The following SLC35E2B variants were observed in gnomAD, a reference collection of about 807,000 sequenced individuals.
SLC35E2B encodes the protein solute carrier family 35 member E2B, also known as solute carrier family 35, member E2B.
A neutral mutation model predicts 32.4 loss-of-function variants in SLC35E2B; 18 were observed. The ratio of observed to expected loss-of-function variants is 0.56; its 90% CI spans 0.38 to 0.82. The LOEUF (loss-of-function observed/expected upper bound fraction) is 0.82, where lower values mean the gene tolerates loss of function less well. Ranked by LOEUF, SLC35E2B falls within the 40% of genes least tolerant of loss-of-function variation. The pLI is 0.00. For synonymous variants in SLC35E2B, 132 were observed against 209.1 expected, an observed-to-expected ratio of 0.63 and a Z score of 3.18; for missense variants, 263 against 469.5, an observed-to-expected ratio of 0.56 and a Z score of 4.06.
At chr1:1,689,696 C>T (rs1475182317) in intron 2 of SLC35E2B, among the ~76,000 whole-genome samples, 5 of 150,678 alleles carry the variant, frequency 3.3e-5, no homozygotes, top group South Asian at 2.1e-4. Flanking sequence ...CAAAGTACAC[C>T]ACAAAGTGGG....
intron 2 of SLC35E2B, among the ~76,000 whole-genome samples, chr1:1,684,620 T>A (rs1643929227): frequency 6.6e-6 from 1 of 151,720 alleles, no homozygotes; most frequent in Non-Finnish European, 1.5e-5. Flanking sequence ...TGAAACCCCG[T>A]CTCCACTAAA....
intron 2 of SLC35E2B, among the ~76,000 whole-genome samples, chr1:1,682,454 G>C (rs1363595321): frequency 6.6e-6 from 1 of 152,156 alleles, no homozygotes; most frequent in African/African-American, 2.4e-5. Flanking sequence ...GAGGGGCTCA[G>C]TCCCAGTGTC....
Position 1,662,839 on chromosome 1 carries a change from T to C in SLC35E2B, c.*2943A>G, listed in dbSNP as rs1011880445. ...AGACCACGACCATGGACACACCCAG[T>C]GGAAGTAACCACACCTGGTGTGTTC... On this transcript the variant is annotated 3_prime_UTR_variant, in exon 10 of 10. Coordinates refer to ENST00000617444, the MANE Select transcript of SLC35E2B (RefSeq NM_001290264.2). 126 of 821,152 alleles carry C rather than the reference T, an allele frequency of 1.5e-4. 24 individuals carry two copies. Among genetic ancestry groups the C allele is most frequent in the Non-Finnish European group, 1.8e-4 (119 of 677,522 alleles). 50.9% of individuals were successfully genotyped at this position (821,152 alleles called of 1,614,324 possible). A position where few individuals can be genotyped will look rare whatever the true frequency, so the allele number is the denominator to read the frequency against.
chr1:1,685,628 G>T (rs1049770352), intron 2 of SLC35E2B, among the ~76,000 whole-genome samples: 2 of 151,912 alleles, frequency 1.3e-5, no homozygotes, highest in Non-Finnish European at 2.9e-5. Flanking sequence ...CTCTGAAATG[G>T]AACACGAACA....
chr1:1,686,618 T>A (rs1643954960), intron 2 of SLC35E2B, among the ~76,000 whole-genome samples: 1 of 150,744 alleles, frequency 6.6e-6, no homozygotes, highest in Non-Finnish European at 1.5e-5. Flanking sequence ...ATACAAAAGT[T>A]AGCTGGGTGC....
At chr1:1,686,319 TTC>T (rs1462596016) in intron 2 of SLC35E2B, among the ~76,000 whole-genome samples, 6 of 126,686 alleles carry the variant, frequency 4.7e-5, no homozygotes, top group African/African-American at 9.5e-5. Context: ...TTCTTTTTTT[TTC>T]TTTTTTTTTT....
intron 2 of SLC35E2B, among the ~76,000 whole-genome samples, chr1:1,681,351 C>T (rs1316123886): frequency 2.0e-5 from 3 of 151,926 alleles, no homozygotes; most frequent in East Asian, 3.9e-4. Flanking sequence ...GCGCCCGCCA[C>T]CACGCCTGGC....
chr1:1,681,308 C>T (rs1643897774), intron 2 of SLC35E2B, among the ~76,000 whole-genome samples: 1 of 151,954 alleles, frequency 6.6e-6, no homozygotes, highest in Non-Finnish European at 1.5e-5. Flanking sequence ...CACCATTCTC[C>T]TGCCTCAGCC....
intron 2 of SLC35E2B, among the ~76,000 whole-genome samples, chr1:1,682,772 G>C (rs1264428544): frequency 6.6e-6 from 1 of 152,050 alleles, no homozygotes; most frequent in Non-Finnish European, 1.5e-5. Flanking sequence ...TTCCTAAGTA[G>C]TTCCGAGAGT....
chr1:1,662,791 G>T lies in SLC35E2B; in HGVS notation c.*2991C>A. The T allele has an allele frequency of 1.3e-6, 1 of 762,562 alleles. No homozygotes were observed. The highest frequency in any genetic ancestry group is 1.6e-6 in the Non-Finnish European group (1 of 622,894). The allele number at this position is 762,562 out of a possible 1,614,324, so 47.2% of individuals were successfully genotyped here. On this transcript the variant is annotated 3_prime_UTR_variant, in exon 10 of 10. Transcript: ENST00000617444. The stretch of plus-strand genomic sequence containing the variant: ...ACCCAATTCGGGAGGTGGTTCAAGT[G>T]TTCTGTTCGTTTACAAAAGCACAGA...
chr1:1,684,789 C>CAAAAAAAA lies in SLC35E2B; in HGVS notation c.-148+6179_-148+6186dup, dbSNP rs1175219653. ...TGGGCAACAGAGCGAGACTCCATCT[C>CAAAAAAAA]AAAAAAAAAAAAAAAAAAAAAAAAA... On this transcript the variant is annotated intron_variant, in intron 2 of 9. Transcript: ENST00000617444. Among the ~76,000 whole-genome samples the CAAAAAAAA allele has an allele frequency of 1.7e-4, 4 of 23,730 alleles. 1 individual carries two copies. The highest frequency in any genetic ancestry group is 6.2e-4 in the Admixed American group (1 of 1,622). The allele number at this position is 23,730 out of a possible 152,430, so 15.6% of individuals were successfully genotyped here. A position where few individuals can be genotyped will look rare whatever the true frequency, so the allele number is the denominator to read the frequency against.
At chr1:1,686,333 T>C (rs1397100343) in intron 2 of SLC35E2B, among the ~76,000 whole-genome samples, 1 of 149,002 alleles carries the variant, frequency 6.7e-6, no homozygotes, top group Non-Finnish European at 1.5e-5. Flanking sequence ...TTTTTTTTTT[T>C]TTTTTTGCTG....
Position 1,685,636 on chromosome 1 carries a change from A to ATCT in SLC35E2B, c.-148+5339_-148+5340insAGA, listed in dbSNP as rs573473035. On this transcript the variant is annotated intron_variant, in intron 2 of 9. Transcript: ENST00000617444. ...AAAGGGTCTCTGAAATGGAACACGAACACGAATGCATGAACCACACCACAG... is the reference window on the plus strand; with the variant it reads ...AAAGGGTCTCTGAAATGGAACACGAATCTCACGAATGCATGAACCACACCACAG... 7.3e-4 allele frequency among the ~76,000 whole-genome samples: 111 copies of ATCT among 152,142 alleles called. 1 individual carries two copies. Among genetic ancestry groups the ATCT allele is most frequent in the Non-Finnish European group, 1.4e-3 (93 of 67,982 alleles).
intron 5 of SLC35E2B, 40 bp downstream of exon 5, chr1:1,675,423 G>C: frequency 1.2e-6 from 2 of 1,606,266 alleles, no homozygotes; most frequent in Non-Finnish European, 1.7e-6. Context: ...GGCCTGGGAT[G>C]GTGGGGCGCA....
Position 1,663,316 on chromosome 1 carries a change from G to C in SLC35E2B, c.*2466C>G, listed in dbSNP as rs1415762537. ...GCGGCTGGAAATTCCAAGGTGCTCA[G>C]AACCAGGCGCCTGCACCTCTCCTTA... is the stretch of plus-strand genomic sequence containing the variant. On this transcript the variant is annotated 3_prime_UTR_variant, in exon 10 of 10. Transcript: ENST00000617444. 1.0e-6 allele frequency: 1 copy of C among 980,926 alleles called. No individual in the cohort carries two copies. The highest frequency in any genetic ancestry group is 1.2e-6 in the Non-Finnish European group (1 of 826,970). The allele number at this position is 980,926 out of a possible 1,614,324, so 60.8% of individuals were successfully genotyped here.
In SLC35E2B at chr1:1,665,689, T is replaced by C. The variant is rs1393472347; in HGVS notation, c.*93A>G. Reference sequence around the variant, plus strand: ...ATGGCCAACTTAGCTCCCCATGTCCTGCACCCCAGCAGGGCCATGGAGGAG... The same window carrying C: ...ATGGCCAACTTAGCTCCCCATGTCCCGCACCCCAGCAGGGCCATGGAGGAG... On this transcript the variant is annotated 3_prime_UTR_variant, in exon 10 of 10. Coordinates refer to ENST00000617444, the MANE Select transcript of SLC35E2B (RefSeq NM_001290264.2). 1.1e-5 allele frequency: 17 copies of C among 1,489,500 alleles called. No homozygotes were observed. The highest frequency in any genetic ancestry group is 1.4e-5 in the Non-Finnish European group (16 of 1,114,650). 92.3% of individuals were successfully genotyped at this position (1,489,500 alleles called of 1,614,324 possible).
chr1:1,688,331 G>A (rs1471250949), intron 2 of SLC35E2B, among the ~76,000 whole-genome samples: 1 of 152,110 alleles, frequency 6.6e-6, no homozygotes, highest in African/African-American at 2.4e-5. Context: ...AAACGGCCGG[G>A]CGCGCTGGCT....
chr1:1,671,743 A>G (rs1047043906), intron 5 of SLC35E2B, 114 bp from the exon 6 acceptor site: 12 of 1,114,332 alleles, frequency 1.1e-5, no homozygotes, highest in Non-Finnish European at 3.6e-6. Context: ...CCTTCAATTC[A>G]AAAACAATAC....
intron 2 of SLC35E2B, among the ~76,000 whole-genome samples, chr1:1,685,320 G>A (rs1286246751): frequency 2.6e-5 from 4 of 151,060 alleles, no homozygotes; most frequent in East Asian, 3.9e-4. Flanking sequence ...CAGCTGAGGT[G>A]GGGGGACTGC....
Sources: allele counts gnomAD v4.1 joint callset (sites outside exome capture counted in the v4.1 genomes callset), GRCh38; gene constraint gnomAD v4.1.1; transcripts MANE v1.5; gene names NCBI Gene and HGNC (gene_info 2026-07-23, HGNC 2026-07-21).